The following ARHGEF4 variants were observed in gnomAD, a reference collection of about 807,000 sequenced individuals.
ARHGEF4 encodes Rho guanine nucleotide exchange factor 4, also known as APC-stimulated guanine nucleotide exchange factor 1.
A neutral mutation model predicts 162.0 loss-of-function variants in ARHGEF4; 119 were observed. The ratio of observed to expected loss-of-function variants is 0.73; its 90% CI spans 0.63 to 0.86. The LOEUF (loss-of-function observed/expected upper bound fraction) is 0.86, where lower values mean the gene tolerates loss of function less well. ARHGEF4 is among the 40% of genes least tolerant of loss of function. ARHGEF4 has a pLI of 0.00. For missense variants in ARHGEF4, 2,488 were observed against 2,456.0 expected (o/e 1.01, Z -0.28); for synonymous variants, 1,014 against 979.9 (o/e 1.03, Z -0.65).
At chr2:130,972,857 A>G (rs1685454040) in intron 4 of ARHGEF4, among the ~76,000 whole-genome samples, 1 of 152,252 alleles carries the variant, frequency 6.6e-6, no homozygotes, top group African/African-American at 2.4e-5. Flanking sequence ...CAAATATGAG[A>G]CAACAAAATT....
Position 130,914,397 on chromosome 2 carries a change from A to C in ARHGEF4, c.451A>C (p.Thr151Pro), listed in dbSNP as rs552076232. The C allele has an allele frequency of 2.2e-4, 313 of 1,443,960 alleles. No individual in the cohort carries two copies. The highest frequency in any genetic ancestry group is 2.7e-4 in the Non-Finnish European group (296 of 1,104,058). 89.4% of individuals were successfully genotyped at this position (1,443,960 alleles called of 1,614,324 possible). ...CAAAAATGGGTGGCGAGCCTTTGCC[A>C]CAGTTGCTGGAGAACAGGAGGCAGG... ...SCKNGWRAFA[T>P]VAGEQEAGHL... The change falls in exon 2 of 14, where the codon ACA (threonine) becomes CCA (proline). Residue 151 changes from threonine (T) to proline (P), a missense_variant. Transcript: ENST00000409359.
At chr2:131,044,595 C>G (rs371888426) in intron 12 of ARHGEF4, 53 bp downstream of exon 12, 3 of 1,521,588 alleles carry the variant, frequency 2.0e-6, no homozygotes, top group Non-Finnish European at 2.7e-6. Flanking sequence ...CCGGCGCTCC[C>G]GCCTGCCTGG....
chr2:130,963,732 G>A lies in ARHGEF4; in HGVS notation c.3985+17097G>A, dbSNP rs1225817396. 2.0e-5 allele frequency: 3 copies of A among 146,798 alleles called. 1 individual carries two copies. Among genetic ancestry groups the A allele is most frequent in the Non-Finnish European group, 3.0e-5 (2 of 66,024 alleles). The allele number at this position is 146,798 out of a possible 1,614,324, so 9.1% of individuals were successfully genotyped here. A position where few individuals can be genotyped will look rare whatever the true frequency, so the allele number is the denominator to read the frequency against. ...CGCCGTTGAGGCTCAGCGCCCGCCG[G>A]GCGGCCGGTAGTGGGCAGCGAGCTG... is the stretch of plus-strand genomic sequence containing the variant. On this transcript the variant is annotated intron_variant, in intron 4 of 13. Coordinates refer to ENST00000409359, the MANE Select transcript of ARHGEF4 (RefSeq NM_001367493.1).
rs79730146 is a variant in ARHGEF4, at chr2:131,046,217, G to T, written c.*28G>T. ...TGGTCCCTGCCTGACAGCACCTGCT[G>T]GGCCTTCCTGCCAGTGGCCCCCAGT... On this transcript the variant is annotated 3_prime_UTR_variant, in exon 14 of 14. Transcript: ENST00000409359. The T allele has an allele frequency of 7.6e-6, 12 of 1,586,528 alleles. No individual in the cohort carries two copies. Among genetic ancestry groups the T allele is most frequent in the Non-Finnish European group, 1.0e-5 (12 of 1,161,798 alleles).
chr2:131,007,332 C>T (rs1047363297), intron 4 of ARHGEF4, among the ~76,000 whole-genome samples: 1 of 152,162 alleles, frequency 6.6e-6, no homozygotes, highest in Non-Finnish European at 1.5e-5. Flanking sequence ...CCTCTCCTCT[C>T]CTCCATCATA....
intron 1 of ARHGEF4, among the ~76,000 whole-genome samples, chr2:130,841,029 T>C (rs1680566139): frequency 6.6e-6 from 1 of 152,196 alleles, no homozygotes; most frequent in Non-Finnish European, 1.5e-5. Flanking sequence ...TAGGCACTCA[T>C]GGTAGACTCC....
In ARHGEF4 at chr2:130,999,357, C is replaced by T. The variant is rs548671622; in HGVS notation, c.3986-28588C>T. On this transcript the variant is annotated intron_variant, in intron 4 of 13. Transcript: ENST00000409359. ...ATTTTTAGTAGAGACGGGGTTTTACCATGTTAGCCAGGATGGTCTCGATCT... is the reference window on the plus strand; with the variant it reads ...ATTTTTAGTAGAGACGGGGTTTTACTATGTTAGCCAGGATGGTCTCGATCT... Among the ~76,000 whole-genome samples the T allele has an allele frequency of 1.2e-3, 185 of 151,982 alleles. 1 individual carries two copies. The highest frequency in any genetic ancestry group is 2.0e-3 in the Non-Finnish European group (135 of 67,956).
intron 1 of ARHGEF4, among the ~76,000 whole-genome samples, chr2:130,852,677 G>T (rs952404467): frequency 6.6e-6 from 1 of 152,190 alleles, no homozygotes; most frequent in African/African-American, 2.4e-5. Flanking sequence ...GGAGGAGACC[G>T]CAGGATGGGA....
intron 4 of ARHGEF4, among the ~76,000 whole-genome samples, chr2:130,976,661 C>T (rs781314345): frequency 8.5e-5 from 13 of 152,166 alleles, no homozygotes; most frequent in Non-Finnish European, 1.6e-4. Context: ...AAAATCTCAA[C>T]CAAAAACTCG....
At chr2:130,850,445 A>G (rs975090446) in intron 1 of ARHGEF4, among the ~76,000 whole-genome samples, 1 of 152,132 alleles carries the variant, frequency 6.6e-6, no homozygotes, top group Non-Finnish European at 1.5e-5. Flanking sequence ...TGCTCCCTCC[A>G]TGAGCCCAGT....
At chr2:130,848,608 C>T (rs548662645) in intron 1 of ARHGEF4, among the ~76,000 whole-genome samples, 4 of 152,316 alleles carry the variant, frequency 2.6e-5, no homozygotes, top group Admixed American at 2.6e-4. Context: ...TCTGAATCCC[C>T]AGCTCCTGAG....
rs1289367834 is a variant in ARHGEF4, at chr2:131,040,089, G to A, written c.4379G>A (p.Gly1460Glu). 1 of 1,608,268 alleles carries A rather than the reference G, an allele frequency of 6.2e-7. No homozygotes were observed. Among genetic ancestry groups the A allele is most frequent in the Non-Finnish European group, 8.5e-7 (1 of 1,177,452 alleles). ...GGGAACAGCGGAGCGGAGGACGGCG[G>A]GGCGGAGGCGCAGAGCAGCAAGGAC... ...LAGNSGAEDGGAEAQSSKDQM... is the reference protein window; with the variant it reads ...LAGNSGAEDGEAEAQSSKDQM... The change falls in exon 7 of 14, where the codon GGG becomes GAG. Residue 1460 changes from glycine (G) to glutamate (E), a missense_variant. By Grantham distance (98) the Gly-to-Glu change is moderately conservative. Coordinates refer to ENST00000409359, the MANE Select transcript of ARHGEF4 (RefSeq NM_001367493.1).
In ARHGEF4 at chr2:130,918,150, T is replaced by TA. The variant is rs200827239; in HGVS notation, c.3552+659dup. 5.8e-3 allele frequency among the ~76,000 whole-genome samples: 880 copies of TA among 152,250 alleles called. 12 individuals are homozygous for TA. Among genetic ancestry groups the TA allele is most frequent in the African/African-American group, 0.02 (815 of 41,544 alleles). On this transcript the variant is annotated intron_variant, in intron 2 of 13. Transcript: ENST00000409359. The stretch of plus-strand genomic sequence containing the variant: ...CCTAGTTCTTCTCCACTGTGGCATT[T>TA]AAAAAAATTCCTCATGTTGTCTTCT...
intron 1 of ARHGEF4, among the ~76,000 whole-genome samples, chr2:130,907,781 C>A (rs1006643765): frequency 5.9e-5 from 9 of 151,540 alleles, no homozygotes; most frequent in Admixed American, 3.9e-4. Flanking sequence ...ATGGTGAAAC[C>A]CCATCTCTAC....
At chr2:131,029,230 G>A (rs1301162381) in intron 5 of ARHGEF4, among the ~76,000 whole-genome samples, 1 of 152,026 alleles carries the variant, frequency 6.6e-6, no homozygotes, top group East Asian at 1.9e-4. Context: ...ATGGTGGCGG[G>A]CACCTGTAAT....
intron 4 of ARHGEF4, among the ~76,000 whole-genome samples, chr2:131,019,004 G>C (rs943204649): frequency 2.0e-5 from 3 of 152,080 alleles, no homozygotes; most frequent in Non-Finnish European, 2.9e-5. Flanking sequence ...AGTAAGTTTT[G>C]AAATCAGGAA....
At chr2:130,999,158 T>TAA (rs1302560139) in intron 4 of ARHGEF4, among the ~76,000 whole-genome samples, 1 of 150,906 alleles carries the variant, frequency 6.6e-6, no homozygotes, top group Non-Finnish European at 1.5e-5. Flanking sequence ...TTTTTGTTTT[T>TAA]TCTTTTTTTT....
intron 1 of ARHGEF4, among the ~76,000 whole-genome samples, chr2:130,907,771 A>G (rs535580195): frequency 8.6e-5 from 13 of 151,830 alleles, no homozygotes; most frequent in Admixed American, 7.9e-4. Flanking sequence ...GGCTAATAAC[A>G]TGGTGAAACC....
intron 4 of ARHGEF4, among the ~76,000 whole-genome samples, chr2:130,970,837 T>A (rs930657581): frequency 2.0e-5 from 3 of 152,352 alleles, no homozygotes; most frequent in Admixed American, 2.0e-4. Flanking sequence ...ATATGTGATT[T>A]GCAAATATTT....
Sources: allele counts gnomAD v4.1 joint callset (sites outside exome capture counted in the v4.1 genomes callset), GRCh38; gene constraint gnomAD v4.1.1; transcripts MANE v1.5; gene names NCBI Gene and HGNC (gene_info 2026-07-23, HGNC 2026-07-21).